The following S1PR2 variants were observed in gnomAD, a reference collection of about 807,000 sequenced individuals.
S1PR2 encodes the protein sphingosine 1-phosphate receptor 2.
In S1PR2, 9 loss-of-function variants were observed where a neutral mutation model predicts 16.1. That is an observed-to-expected ratio of 0.56 (90% confidence interval 0.34 to 0.98). The LOEUF (loss-of-function observed/expected upper bound fraction) is 0.98, where lower values mean the gene tolerates loss of function less well. S1PR2 is among the 50% of genes least tolerant of loss of function. The pLI is 0.02. For missense variants in S1PR2, 361 were observed against 488.4 expected, an observed-to-expected ratio of 0.74 and a Z score of 2.46; for synonymous variants, 224 against 233.9, an observed-to-expected ratio of 0.96 and a Z score of 0.38.
rs1030834900 is a variant in S1PR2 at position 10,223,786 on chromosome 19, C to G, written c.*58G>C. 5 of 1,454,290 alleles carry G rather than the reference C, an allele frequency of 3.4e-6. No individual in the cohort carries two copies. Among genetic ancestry groups the G allele is most frequent in the Non-Finnish European group, 4.6e-6 (5 of 1,080,578 alleles). The allele number at this position is 1,454,290 out of a possible 1,614,324, so 90.1% of individuals were successfully genotyped here. ...GCCCCAAGTCTCTATCTGGGGTCAC[C>G]CAGTGGCCTCTCCATGAACCCCTCT... On this transcript the variant is annotated 3_prime_UTR_variant, in exon 2 of 2. Transcript: ENST00000646641.
chr19:10,230,680 T>C (rs2039669539), intron 1 of S1PR2, among the ~76,000 whole-genome samples: 1 of 152,194 alleles, frequency 6.6e-6, no homozygotes, highest in Admixed American at 6.5e-5. Context: ...CACTTTCTCT[T>C]TCCTTACAAA....
chr19:10,226,306 C>T (rs1306641542), intron 1 of S1PR2, among the ~76,000 whole-genome samples: 1 of 152,196 alleles, frequency 6.6e-6, no homozygotes, highest in African/African-American at 2.4e-5. Flanking sequence ...CCAGAGGTCA[C>T]ACCATCTTCA....
intron 1 of S1PR2, among the ~76,000 whole-genome samples, chr19:10,230,256 C>G (rs2145446510): frequency 6.6e-6 from 1 of 152,356 alleles, no homozygotes; most frequent in South Asian, 2.1e-4. Flanking sequence ...GCGCGGGAGC[C>G]ACGCCTCCTC....
chr19:10,224,234 G>A lies in S1PR2; in HGVS notation c.672C>T (p.Ala224=), dbSNP rs73922356. 1,083 of 1,613,682 alleles carry A rather than the reference G, an allele frequency of 6.7e-4. 5 individuals carry two copies. The African/African-American group carries it at 0.011, about 16-fold the overall frequency. The change falls in exon 2 of 2, where the codon GCC becomes GCT. Residue 224 remains alanine (A), a synonymous_variant. Coordinates refer to ENST00000646641, the MANE Select transcript of S1PR2 (RefSeq NM_004230.4). ...TGAGCAGGGCTAGCGTCTGCGGGGC[G>A]GCCATGTCAGCGTGGCTTGAGCGGA... is the stretch of plus-strand genomic sequence containing the variant. ...CVVRSSHADM[A]APQTLALLKT...
chr19:10,224,252 T>C lies in S1PR2; in HGVS notation c.654A>G (p.Ser218=). The part of the protein sequence containing the change: ...LYVRIYCVVR[S]SHADMAAPQT... ...GCGGGGCGGCCATGTCAGCGTGGCT[T>C]GAGCGGACCACGCAGTAGATGCGCA... is the stretch of plus-strand genomic sequence containing the variant. Residue 218 remains serine (S), a synonymous_variant, in exon 2 of 2, where the codon TCA becomes TCG. Coordinates refer to ENST00000646641, the MANE Select transcript of S1PR2 (RefSeq NM_004230.4). 6.2e-7 allele frequency: 1 copy of C among 1,613,936 alleles called. No homozygotes were observed. Among genetic ancestry groups the C allele is most frequent in the Non-Finnish European group, 8.5e-7 (1 of 1,180,044 alleles).
At position 10,224,527 on chromosome 19, in the gene S1PR2, C is replaced by A; in HGVS notation, c.379G>T (p.Ala127Ser). Residue 127 changes from alanine to serine, a missense_variant, in exon 2 of 2, where the codon GCC becomes TCC. Coordinates refer to ENST00000646641, the MANE Select transcript of S1PR2 (RefSeq NM_004230.4). ...GCAATGGCCACGTGGCGCTCAATGG[C>A]GATGGCCAGGAGGCTGAAGACAGAG... The part of the protein sequence containing the change: ...SASVFSLLAI[A>S]IERHVAIAKV... 1 of 1,613,816 alleles carries A rather than the reference C, an allele frequency of 6.2e-7. No individual in the cohort carries two copies. The highest frequency in any genetic ancestry group is 8.5e-7 in the Non-Finnish European group (1 of 1,180,036).
chr19:10,227,898 CA>C (rs763013703), intron 1 of S1PR2, among the ~76,000 whole-genome samples: 1 of 152,142 alleles, frequency 6.6e-6, no homozygotes, highest in Non-Finnish European at 1.5e-5. Context: ...TCCTGGGGTT[CA>C]TAAGTGAGAA....
At chr19:10,228,226 C>G (rs144252086) in intron 1 of S1PR2, among the ~76,000 whole-genome samples, 5,732 of 151,694 alleles carry the variant, frequency 0.038, 366 homozygotes, top group African/African-American at 0.13. Context: ...GCAGGAGAAT[C>G]GCTTGAACCC....
intron 1 of S1PR2, among the ~76,000 whole-genome samples, chr19:10,230,252 G>A (rs1361824368): frequency 6.6e-6 from 1 of 152,222 alleles, no homozygotes; most frequent in African/African-American, 2.4e-5. Context: ...GCTCGCGCGG[G>A]AGCCACGCCT....
At position 10,224,051 on chromosome 19, in the gene S1PR2, G is replaced by A. The variant is rs202092003; in HGVS notation, c.855C>T (p.Pro285=). ...CCCGGCTGCGCCACGTGTAGATGAC[G>A]GGGTTGAGCAGGGAATTCAGGGTGG... The part of the protein sequence containing the change: ...AVSTLNSLLN[P]VIYTWRSRDL... Residue 285 remains proline, a synonymous_variant, in exon 2 of 2, where the codon CCC becomes CCT. Coordinates refer to ENST00000646641, the MANE Select transcript of S1PR2 (RefSeq NM_004230.4). 5.3e-5 allele frequency: 85 copies of A among 1,610,956 alleles called. No homozygotes were observed. The East Asian group carries it at 6.2e-4, about 12-fold the overall frequency.
In S1PR2 at chr19:10,224,883, T is replaced by C; in HGVS notation, c.23A>G (p.Tyr8Cys). The C allele has an allele frequency of 6.2e-7, 1 of 1,610,928 alleles. No individual in the cohort carries two copies. Among genetic ancestry groups the C allele is most frequent in the East Asian group, 2.2e-5 (1 of 44,876 alleles). Reference sequence around the variant, plus strand: ...TTCCTGGACCTTGTTGGGGTTCAGGTACTCCGAGTACAAGCTGCCCATGGT... The same window carrying C: ...TTCCTGGACCTTGTTGGGGTTCAGGCACTCCGAGTACAAGCTGCCCATGGT... The part of the protein sequence containing the change: MGSLYSE[Y>C]LNPNKVQEHY... Residue 8 changes from tyrosine to cysteine, a missense_variant, in exon 2 of 2, where the codon TAC (tyrosine) becomes TGC (cysteine). Physicochemically the swap from Tyr to Cys is radical, Grantham distance 194. Coordinates refer to ENST00000646641, the MANE Select transcript of S1PR2 (RefSeq NM_004230.4).
rs923300373 is a variant in S1PR2 at position 10,229,295 on chromosome 19, AT to A, written c.-43+1908del. ...GCACACTCTTTTTCTCAAAAAAAAA[AT>A]TTTTTTTTTTTGAGACAGAGTCTCA... On this transcript the variant is annotated intron_variant, in intron 1 of 1. Coordinates refer to ENST00000646641, the MANE Select transcript of S1PR2 (RefSeq NM_004230.4). 4.9e-4 allele frequency among the ~76,000 whole-genome samples: 72 copies of A among 146,844 alleles called. 1 individual carries two copies. The highest frequency in any genetic ancestry group is 1.2e-3 in the Admixed American group (18 of 14,728).
Position 10,224,624 on chromosome 19 carries a change from G to A in S1PR2, c.282C>T (p.Gly94=). The change falls in exon 2 of 2, where the codon GGC becomes GGT. Residue 94 remains glycine, a synonymous_variant. Transcript: ENST00000646641. ...CAGGCGTCAGCCTCAGCGTGACAGA[G>A]CCAGAGAGCAAGGTATTGGCTACGA... ...VAFVANTLLS[G]SVTLRLTPVQ... The A allele has an allele frequency of 6.2e-7, 1 of 1,614,092 alleles. No individual in the cohort carries two copies. Among genetic ancestry groups the A allele is most frequent in the Non-Finnish European group, 8.5e-7 (1 of 1,180,042 alleles).
intron 1 of S1PR2, among the ~76,000 whole-genome samples, chr19:10,226,956 C>T (rs1056910752): frequency 6.6e-5 from 10 of 151,186 alleles, no homozygotes; most frequent in African/African-American, 2.2e-4. Flanking sequence ...CCCCTCCACC[C>T]TCTTCCATCC....
chr19:10,226,061 G>A (rs1294136364), intron 1 of S1PR2, among the ~76,000 whole-genome samples: 1 of 152,216 alleles, frequency 6.6e-6, no homozygotes, highest in African/African-American at 2.4e-5. Context: ...CCTACCCAGA[G>A]AGCAAGCCCT....
intron 1 of S1PR2, 117 bp downstream of exon 1, chr19:10,231,087 G>T (rs2145447920): frequency 1.3e-5 from 2 of 152,804 alleles, no homozygotes; most frequent in East Asian, 1.9e-4. Context: ...CGTGCAGCAG[G>T]AACCCAGGCG....
At chr19:10,227,023 G>A (rs755021957) in intron 1 of S1PR2, among the ~76,000 whole-genome samples, 1 of 146,022 alleles carries the variant, frequency 6.8e-6, no homozygotes, top group African/African-American at 2.5e-5. Flanking sequence ...AAACTGAGCC[G>A]TGGTGGGAGG....
Position 10,224,059 on chromosome 19 carries a change from G to A in S1PR2, c.847C>T (p.Leu283Phe). The stretch of plus-strand genomic sequence containing the variant: ...CGCCACGTGTAGATGACGGGGTTGA[G>A]CAGGGAATTCAGGGTGGAGACGGCG... ...FFAVSTLNSL[L>F]NPVIYTWRSR... is the part of the protein sequence containing the mutation. The change falls in exon 2 of 2, where the codon CTC becomes TTC. Residue 283 changes from leucine to phenylalanine, a missense_variant. By Grantham distance (22) the Leu-to-Phe change is conservative. Transcript: ENST00000646641. 6.2e-7 allele frequency: 1 copy of A among 1,605,848 alleles called. No individual in the cohort carries two copies. Among genetic ancestry groups the A allele is most frequent in the Non-Finnish European group, 8.5e-7 (1 of 1,177,948 alleles).
intron 1 of S1PR2, among the ~76,000 whole-genome samples, chr19:10,230,752 G>C (rs2039670530): frequency 6.6e-6 from 1 of 152,366 alleles, no homozygotes; most frequent in Non-Finnish European, 1.5e-5. Context: ...AACCGAGGCA[G>C]AAAGCCCGAC....
Sources: allele counts gnomAD v4.1 joint callset (sites outside exome capture counted in the v4.1 genomes callset), GRCh38; gene constraint gnomAD v4.1.1; transcripts MANE v1.5; gene names NCBI Gene and HGNC (gene_info 2026-07-23, HGNC 2026-07-21).